Variants in SHC1 observed in about 807,000 individuals in gnomAD.
The protein encoded by SHC1 is SHC-transforming protein 1.
A neutral mutation model predicts 55.9 loss-of-function variants in SHC1; 30 were observed. That is an observed-to-expected ratio of 0.54 (90% CI 0.40 to 0.73). The LOEUF is 0.73. Ranked by LOEUF, SHC1 falls within the 30% of genes least tolerant of loss-of-function variation. The probability of loss-of-function intolerance (pLI) is 0.00; values close to 1 mark genes in which losing one functional copy is unlikely to be tolerated. For synonymous variants in SHC1, 309 were observed against 306.1 expected (o/e 1.01, Z -0.10); for missense variants, 675 against 777.1 (o/e 0.87, Z 1.56).
rs1312047574 is a variant in SHC1 at position 154,965,515 on chromosome 1, CCCTCACCCACA to C, written c.1626+17_1626+27del. 3 of 1,613,864 alleles carry C rather than the reference CCCTCACCCACA, an allele frequency of 1.9e-6. No homozygotes were observed. The highest frequency in any genetic ancestry group is 1.7e-5 in the Admixed American group (1 of 60,000). Reference sequence around the variant, plus strand: ...GGTACTGTACCTTCCTTTTTGCCACCCCTCACCCACACCTCTGCCACACTCACCACACCCTC... The same window carrying C: ...GGTACTGTACCTTCCTTTTTGCCACCCCTCTGCCACACTCACCACACCCTC... On this transcript the variant is annotated intron_variant, in intron 11 of 11. Transcript: ENST00000448116.
chr1:154,966,655 A>G (rs1179878442), intron 7 of SHC1, 138 bp from the exon 8 acceptor site: 1 of 582,060 alleles, frequency 1.7e-6, no homozygotes, highest in African/African-American at 1.9e-5. Flanking sequence ...ATACATAATC[A>G]TTTCATTCTC....
chr1:154,967,876 A>T (rs927671193), intron 6 of SHC1, 79 bp from the exon 7 acceptor site: 1 of 1,604,498 alleles, frequency 6.2e-7, no homozygotes, highest in Admixed American at 1.7e-5. Context: ...CTTCCTCTGC[A>T]GGAACCCCCA....
intron 1 of SHC1, 135 bp downstream of exon 1, chr1:154,969,897 G>T: frequency 9.8e-7 from 1 of 1,016,138 alleles, no homozygotes. Context: ...GAAGGGATGA[G>T]AAAGGTTTAG....
intron 7 of SHC1, 110 bp from the exon 8 acceptor site, chr1:154,966,627 T>A: frequency 1.4e-6 from 1 of 718,128 alleles, no homozygotes; most frequent in Non-Finnish European, 2.3e-6. Flanking sequence ...GGATTAAGCC[T>A]GAGGCTGAGT....
At position 154,970,236 on chromosome 1, in the gene SHC1, T is replaced by C; in HGVS notation, c.291A>G (p.Ala97=). The change falls in exon 1 of 12, where the codon GCA becomes GCG. Residue 97 remains alanine, a synonymous_variant. Transcript: ENST00000448116. The surrounding 1 kb of genome is among the most constrained non-coding windows in gnomAD (Gnocchi z 5.5). ...AADDGEGIVG[A]AMPDSGPLPL... The stretch of plus-strand genomic sequence containing the variant: ...GTAGGGGGCCTGAGTCTGGCATGGC[T>C]GCCCCTACGATCCCCTCCCCATCAT... The C allele has an allele frequency of 6.2e-7, 1 of 1,613,044 alleles. No homozygotes were observed. Among genetic ancestry groups the C allele is most frequent in the South Asian group, 1.1e-5 (1 of 91,030 alleles).
At position 154,970,467 on chromosome 1, in the gene SHC1, C is replaced by T; in HGVS notation, c.60G>A (p.Ser20=). 1 of 1,611,986 alleles carries T rather than the reference C, an allele frequency of 6.2e-7. No homozygotes were observed. The highest frequency in any genetic ancestry group is 8.5e-7 in the Non-Finnish European group (1 of 1,179,438). The change falls in exon 1 of 12, where the codon TCG becomes TCA. Residue 20 remains serine, a synonymous_variant. Coordinates refer to ENST00000448116, the MANE Select transcript of SHC1 (RefSeq NM_001130040.2). This position sits in a 1 kb window ranked among gnomAD's most constrained non-coding sequence, Gnocchi z 5.5. ...YNPLRNESLS[S]LEEGASGSTP... ...TGGACCCAGAAGCCCCTTCCTCCAG[C>T]GATGACAGAGACTCATTCCGGAGTG...
chr1:154,966,984 C>T (rs766464358), intron 7 of SHC1, among the ~76,000 whole-genome samples: 3 of 152,148 alleles, frequency 2.0e-5, no homozygotes, highest in African/African-American at 4.8e-5. Context: ...TGGCATGCAC[C>T]TGTAGCCCCA....
At chr1:154,968,292 A>G in intron 4 of SHC1, 35 bp from the exon 5 acceptor site, 1 of 1,610,076 alleles carries the variant, frequency 6.2e-7, no homozygotes, top group South Asian at 1.1e-5. Flanking sequence ...GAAGGAAGGG[A>G]ATGCCATGTG....
rs148582449 is a variant in SHC1, at chr1:154,970,245, G to A, written c.282C>T (p.Ile94=). ...CTGAGTCTGGCATGGCTGCCCCTAC[G>A]ATCCCCTCCCCATCATCAGCTGCCC... ...PGRAADDGEG[I]VGAAMPDSGP... is the part of the protein sequence containing the mutation. Residue 94 remains isoleucine, a synonymous_variant, in exon 1 of 12, where the codon ATC becomes ATT. Transcript: ENST00000448116. The surrounding 1 kb of genome is among the most constrained non-coding windows in gnomAD (Gnocchi z 5.5). 6.2e-6 allele frequency: 10 copies of A among 1,612,152 alleles called. No homozygotes were observed. Among genetic ancestry groups the A allele is most frequent in the African/African-American group, 2.7e-5 (2 of 74,910 alleles).
upstream of SHC1, among the ~76,000 whole-genome samples, chr1:154,970,924 C>T (rs1379603914): frequency 6.6e-6 from 1 of 152,154 alleles, no homozygotes; most frequent in East Asian, 1.9e-4. The surrounding 1 kb of genome is among the most constrained non-coding windows in gnomAD (Gnocchi z 5.5). Context: ...GCCCCTCTCC[C>T]CTGCCCTATA....
At chr1:154,964,213 A>G in intron 11 of SHC1, 1 of 532,760 alleles carries the variant, frequency 1.9e-6, no homozygotes, top group Non-Finnish European at 3.8e-6. Context: ...GGAAGTTGGC[A>G]TGTCTCAGAA....
Position 154,965,978 on chromosome 1 carries a change from T to C in SHC1, c.1355A>G (p.Asn452Ser), listed in dbSNP as rs148754200. The C allele has an allele frequency of 5.2e-5, 84 of 1,613,800 alleles. No individual in the cohort carries two copies. The African/African-American group carries it at 1.0e-3, about 19-fold the overall frequency. ...AAACAGGTCCCGGGGTGCACTGCCA[T>C]TGATAGCAGGATTGGGGGGCCCAGC... ...GGAGPPNPAI[N>S]GSAPRDLFDM... Residue 452 changes from asparagine to serine, a missense_variant, in exon 10 of 12, where the codon AAT (asparagine) becomes AGT (serine). Around this residue, in one of 3 missense-constraint regions of SHC1, gnomAD observed 360 missense variants for 371.1 expected, o/e 0.97. Coordinates refer to ENST00000448116, the MANE Select transcript of SHC1 (RefSeq NM_001130040.2).
Position 154,970,744 on chromosome 1 carries a change from C to T in SHC1, c.-218G>A. The T allele has an allele frequency of 2.1e-6, 1 of 481,506 alleles. No homozygotes were observed. Among genetic ancestry groups the T allele is most frequent in the Non-Finnish European group, 3.7e-6 (1 of 273,394 alleles). 29.8% of individuals were successfully genotyped at this position (481,506 alleles called of 1,614,324 possible). On this transcript the variant is annotated 5_prime_UTR_variant, in exon 1 of 12. Transcript: ENST00000448116. The surrounding 1 kb of genome is among the most constrained non-coding windows in gnomAD (Gnocchi z 5.5). ...ATCCCCGCCCAACGTGGAGCCTCTT[C>T]TCTGGCTGAGAAGAGAACAGGCTGG...
In SHC1 at chr1:154,962,742, T is replaced by A. The variant is rs1655472143; in HGVS notation, c.*1061A>T. 6.5e-6 allele frequency: 1 copy of A among 152,752 alleles called. No homozygotes were observed. The allele number at this position is 152,752 out of a possible 1,614,324, so 9.5% of individuals were successfully genotyped here. On this transcript the variant is annotated 3_prime_UTR_variant, in exon 12 of 12. Transcript: ENST00000448116. ...GGTGATGTATAAATGTAATAATTGA[T>A]TATCATTTTGTGCTCAAGAATAAGC...
At position 154,963,694 on chromosome 1, in the gene SHC1, T is replaced by C. The variant is rs2102014176; in HGVS notation, c.*109A>G. On this transcript the variant is annotated 3_prime_UTR_variant, in exon 12 of 12. Coordinates refer to ENST00000448116, the MANE Select transcript of SHC1 (RefSeq NM_001130040.2). ...ACCCAGAGTCCATGCTACTCCCAGC[T>C]CTGACACAAGGCCAAGCCCACAGAA... The C allele has an allele frequency of 8.2e-7, 1 of 1,220,222 alleles. No individual in the cohort carries two copies. The highest frequency in any genetic ancestry group is 1.2e-6 in the Non-Finnish European group (1 of 856,316). 75.6% of individuals were successfully genotyped at this position (1,220,222 alleles called of 1,614,324 possible). A position where few individuals can be genotyped will look rare whatever the true frequency, so the allele number is the denominator to read the frequency against.
At chr1:154,972,147 A>G (rs1001677258), upstream of SHC1, among the ~76,000 whole-genome samples, 1 of 151,740 alleles carries the variant, frequency 6.6e-6, no homozygotes, top group Non-Finnish European at 1.5e-5. Context: ...CAGGAGGCTG[A>G]GGCAGGAGAA....
chr1:154,965,945 C>G lies in SHC1; in HGVS notation c.1387+1G>C. Reference sequence around the variant, plus strand: ...CAGAGAGGAGAGAGACGAGCACTCACTCATGTCAAACAGGTCCCGGGGTGC... The same window carrying G: ...CAGAGAGGAGAGAGACGAGCACTCAGTCATGTCAAACAGGTCCCGGGGTGC... On this transcript the variant is annotated splice_donor_variant, in intron 10 of 11. Transcript: ENST00000448116. LOFTEE classifies it high-confidence loss of function. The G allele has an allele frequency of 1.2e-6, 2 of 1,608,786 alleles. No individual in the cohort carries two copies. The highest frequency in any genetic ancestry group is 8.5e-7 in the Non-Finnish European group (1 of 1,176,190).
At chr1:154,968,154 C>T (rs1327820787) in intron 5 of SHC1, 50 bp downstream of exon 5, 1 of 1,599,514 alleles carries the variant, frequency 6.3e-7, no homozygotes, top group Non-Finnish European at 8.6e-7. Flanking sequence ...CTTCCCAATC[C>T]CTAGCCCCTT....
chr1:154,970,480 T>TA lies in SHC1; in HGVS notation c.46_47insT (p.Glu16ValfsTer39), dbSNP rs1351143429. Reference sequence around the variant, plus strand: ...CCCTTCCTCCAGCGATGACAGAGACTCATTCCGGAGTGGATTGTACTTGGG... The same window carrying TA: ...CCCTTCCTCCAGCGATGACAGAGACTACATTCCGGAGTGGATTGTACTTGGG... On this transcript the variant is annotated frameshift_variant, in exon 1 of 12. Transcript: ENST00000448116. LOFTEE classifies it high-confidence loss of function. The surrounding 1 kb of genome is among the most constrained non-coding windows in gnomAD (Gnocchi z 5.5). 3.7e-6 allele frequency: 6 copies of TA among 1,611,900 alleles called. No homozygotes were observed. The Admixed American group carries it at 1.0e-4, about 27-fold the overall frequency.
Sources: allele counts gnomAD v4.1 joint callset (sites outside exome capture counted in the v4.1 genomes callset), GRCh38; gene constraint gnomAD v4.1.1; regional missense constraint gnomAD v4.1.1; non-coding constraint Gnocchi (gnomAD v3.1); transcripts MANE v1.5; gene names NCBI Gene and HGNC (gene_info 2026-07-23, HGNC 2026-07-21).